TTLL5: variants seen among roughly 807,000 people sequenced by gnomAD.
TTLL5 encodes the protein tubulin polyglutamylase TTLL5.
Under a neutral mutation model 168.4 loss-of-function variants are expected in TTLL5, and 132 were observed. That is an observed-to-expected ratio of 0.78 (90% CI 0.68 to 0.91). TTLL5 has a LOEUF of 0.91. Ranked by LOEUF, TTLL5 falls within the 40% of genes least tolerant of loss-of-function variation. TTLL5 has a pLI of 0.00. For synonymous variants in TTLL5, 546 were observed against 558.6 expected (o/e 0.98, Z 0.32); for missense variants, 1,545 against 1,581.5 (o/e 0.98, Z 0.39).
intron 31 of TTLL5, among the ~76,000 whole-genome samples, chr14:75,914,913 G>A (rs879586405): frequency 8.5e-5 from 13 of 152,286 alleles, no homozygotes; most frequent in East Asian, 5.8e-4. Context: ...ATGAGCCACT[G>A]TGCCCGGCCG....
intron 11 of TTLL5, among the ~76,000 whole-genome samples, chr14:75,720,215 G>T (rs527244951): frequency 7.2e-5 from 11 of 152,310 alleles, no homozygotes; most frequent in African/African-American, 2.4e-4. Flanking sequence ...CACTGTTTGA[G>T]CACAGGGCTT....
At chr14:75,775,780 G>A (rs1891688244) in intron 22 of TTLL5, 150 bp downstream of exon 22, 2 of 1,016,902 alleles carry the variant, frequency 2.0e-6, no homozygotes, top group East Asian at 2.6e-5. Context: ...GGGGAAGCAG[G>A]ACCCCACACC....
At chr14:75,771,611 G>A (rs1428744987) in intron 20 of TTLL5, 123 bp from the exon 21 acceptor site, 1 of 1,393,048 alleles carries the variant, frequency 7.2e-7, no homozygotes, top group Non-Finnish European at 9.8e-7. Context: ...TGTAAGATGG[G>A]TTTCATATTT....
intron 31 of TTLL5, among the ~76,000 whole-genome samples, chr14:75,912,527 A>C (rs549749744): frequency 1.1e-4 from 16 of 152,154 alleles, no homozygotes; most frequent in Admixed American, 1.0e-3. Context: ...AAAACAAGAT[A>C]ATTCCAAGTT....
At chr14:75,809,266 T>C (rs563628662) in intron 27 of TTLL5, among the ~76,000 whole-genome samples, 1 of 152,210 alleles carries the variant, frequency 6.6e-6, no homozygotes, top group Non-Finnish European at 1.5e-5. Flanking sequence ...CATGGACTTA[T>C]GGTCTCTAAG....
chr14:75,730,037 C>T (rs557626792), intron 12 of TTLL5, among the ~76,000 whole-genome samples: 2 of 152,314 alleles, frequency 1.3e-5, no homozygotes, highest in East Asian at 3.9e-4. Flanking sequence ...ATATGTGCAT[C>T]AATTACTATT....
intron 12 of TTLL5, chr14:75,727,807 A>C (rs1455581675): frequency 2.0e-6 from 1 of 497,104 alleles, no homozygotes; most frequent in Non-Finnish European, 4.0e-6. Context: ...TTCTAGAATA[A>C]GCAAAACTAA....
chr14:75,850,261 C>T (rs1418321308), intron 28 of TTLL5, among the ~76,000 whole-genome samples: 1 of 151,772 alleles, frequency 6.6e-6, no homozygotes, highest in Non-Finnish European at 1.5e-5. Flanking sequence ...ACAAAATTAT[C>T]CGGGCATGGT....
chr14:75,663,596 C>A (rs940204866), intron 2 of TTLL5, among the ~76,000 whole-genome samples: 17 of 152,208 alleles, frequency 1.1e-4, no homozygotes, highest in African/African-American at 4.1e-4. Flanking sequence ...ACATTAGTTA[C>A]GTTTGCTAAT....
chr14:75,770,179 GAAAA>G (rs56876692), intron 20 of TTLL5, among the ~76,000 whole-genome samples: 1 of 85,004 alleles, frequency 1.2e-5, no homozygotes, highest in South Asian at 4.6e-4. Flanking sequence ...ACTCTGTCTC[GAAAA>G]AAAAAAAAAA....
intron 2 of TTLL5, among the ~76,000 whole-genome samples, chr14:75,667,763 T>TTTG (rs1555379898): frequency 1.4e-5 from 2 of 144,662 alleles, no homozygotes; most frequent in Non-Finnish European, 3.0e-5. Flanking sequence ...TTTTTTTTTT[T>TTTG]TTTTTTTTTT....
At chr14:75,898,121 G>A (rs1471008937) in intron 30 of TTLL5, among the ~76,000 whole-genome samples, 2 of 152,084 alleles carry the variant, frequency 1.3e-5, no homozygotes, top group African/African-American at 4.8e-5. Flanking sequence ...GGTGTACTAT[G>A]ACCAGAGAAC....
At chr14:75,664,983 T>C (rs993800859) in intron 2 of TTLL5, among the ~76,000 whole-genome samples, 1 of 152,298 alleles carries the variant, frequency 6.6e-6, no homozygotes, top group East Asian at 1.9e-4. Context: ...TGACCTAATA[T>C]TATAGTAGGT....
At chr14:75,797,120 G>C (rs1190037720) in intron 27 of TTLL5, among the ~76,000 whole-genome samples, 1 of 152,078 alleles carries the variant, frequency 6.6e-6, no homozygotes, top group South Asian at 2.1e-4. Flanking sequence ...AGTTTTCCTT[G>C]TAGAGGTCTT....
At chr14:75,859,032 G>T (rs1450433729) in intron 28 of TTLL5, among the ~76,000 whole-genome samples, 1 of 152,206 alleles carries the variant, frequency 6.6e-6, no homozygotes, top group African/African-American at 2.4e-5. Context: ...AAGAGCAGGG[G>T]CATCCTTGTA....
intron 21 of TTLL5, among the ~76,000 whole-genome samples, chr14:75,772,220 T>C (rs1446392073): frequency 1.3e-5 from 2 of 152,206 alleles, no homozygotes; most frequent in East Asian, 3.9e-4. Context: ...TTATTAACTC[T>C]GAGGTAGGCA....
intron 27 of TTLL5, among the ~76,000 whole-genome samples, chr14:75,795,419 A>G (rs1244839233): frequency 6.6e-6 from 1 of 152,164 alleles, no homozygotes; most frequent in African/African-American, 2.4e-5. Flanking sequence ...TTTATGGGGT[A>G]CATACGATTT....
At chr14:75,719,661 C>A in intron 10 of TTLL5, 74 bp from the exon 11 acceptor site, 2 of 1,282,032 alleles carry the variant, frequency 1.6e-6, no homozygotes, top group Non-Finnish European at 2.1e-6. Context: ...GACAAGAAGG[C>A]TATTTGCAAA....
At chr14:75,690,386 A>C in intron 6 of TTLL5, 64 bp downstream of exon 6, 2 of 1,525,788 alleles carry the variant, frequency 1.3e-6, no homozygotes, top group East Asian at 4.7e-5. Flanking sequence ...TTTACCCCAA[A>C]AGCCTCCTCA....
Sources: gnomAD v4.1 joint callset for allele counts (sites outside exome capture counted in the v4.1 genomes callset) on GRCh38, gnomAD v4.1.1 for gene constraint, MANE v1.5 for transcripts, NCBI Gene and HGNC (gene_info 2026-07-23, HGNC 2026-07-21) for gene names.